MAP7D2: variants seen among roughly 807,000 people sequenced by gnomAD.
MAP7D2 encodes MAP7 domain containing 2, also known as MAP7 domain-containing protein 2.
A neutral mutation model predicts 63.5 loss-of-function variants in MAP7D2; 33 were observed. The observed-to-expected ratio is 0.52, with a 90% CI of 0.39 to 0.70. The LOEUF (loss-of-function observed/expected upper bound fraction) is 0.70, where lower values mean the gene tolerates loss of function less well. MAP7D2 is among the 30% of genes least tolerant of loss of function. The probability of loss-of-function intolerance (pLI) is 0.00; values close to 1 mark genes in which losing one functional copy is unlikely to be tolerated. For missense variants in MAP7D2, 626 were observed against 604.0 expected (o/e 1.04, Z -0.38); for synonymous variants, 224 against 223.7 (o/e 1.00, Z -0.01).
chrX:20,075,442 G>A lies in MAP7D2; in HGVS notation c.131-10637C>T, dbSNP rs771164705. ...GAAAAATATGCTGCATGGGGGTGGG[G>A]GATGGGGGGAATAAAAGAGAGAAGG... On this transcript the variant is annotated intron_variant, in intron 1 of 16. Transcript: ENST00000379643. 1.4e-4 allele frequency among the ~76,000 whole-genome samples: 15 copies of A among 110,119 alleles called. No homozygotes were observed. The South Asian group carries it at 5.9e-3, about 44-fold the overall frequency.
intron 1 of MAP7D2, among the ~76,000 whole-genome samples, chrX:20,074,897 C>T (rs778714249): frequency 1.8e-5 from 2 of 110,298 alleles, no homozygotes; most frequent in South Asian, 3.9e-4. Flanking sequence ...CAAAAAAATA[C>T]AAAAAATTAG....
chrX:20,077,442 GA>G (rs980520848), intron 1 of MAP7D2, among the ~76,000 whole-genome samples: 4 of 111,516 alleles, frequency 3.6e-5, no homozygotes, highest in African/African-American at 1.3e-4. Context: ...ATCAGAATAA[GA>G]CTCTGTCTAA....
intron 8 of MAP7D2, among the ~76,000 whole-genome samples, chrX:20,036,002 C>T (rs2074220240): frequency 9.1e-6 from 1 of 109,970 alleles, no homozygotes; most frequent in Admixed American, 9.8e-5. Flanking sequence ...ACATTTTCGA[C>T]TTCACATTAT....
intron 8 of MAP7D2, among the ~76,000 whole-genome samples, chrX:20,037,444 T>C (rs1403986284): frequency 9.0e-6 from 1 of 111,631 alleles, no homozygotes; most frequent in Non-Finnish European, 1.9e-5. Context: ...CGGTTCCCTA[T>C]GATCAGTTGA....
intron 1 of MAP7D2, among the ~76,000 whole-genome samples, chrX:20,090,376 A>G (rs1237274408): frequency 2.8e-5 from 3 of 109,017 alleles, no homozygotes; most frequent in African/African-American, 1.0e-4. Context: ...AAAAAAAAAA[A>G]AAAAAAAAAA....
intron 3 of MAP7D2, among the ~76,000 whole-genome samples, chrX:20,060,309 C>T (rs1258302610): frequency 9.1e-6 from 1 of 110,032 alleles, no homozygotes; most frequent in Non-Finnish European, 1.9e-5. Context: ...CATAAGCCAC[C>T]ATGCCCGGCC....
chrX:20,111,190 C>T lies in MAP7D2; in HGVS notation c.130+5560G>A, dbSNP rs1017845493. On this transcript the variant is annotated intron_variant, in intron 1 of 16. Transcript: ENST00000379643. ...CCAGCATGAGGGACTCCAGGTGACCCCAAATGGAGCAGCAGAACTTCTCCA... is the reference window on the plus strand; with the variant it reads ...CCAGCATGAGGGACTCCAGGTGACCTCAAATGGAGCAGCAGAACTTCTCCA... Among the ~76,000 whole-genome samples the T allele has an allele frequency of 2.7e-5, 3 of 111,464 alleles. No individual in the cohort carries two copies. The Admixed American group carries it at 2.9e-4, about 11-fold the overall frequency.
At chrX:20,096,139 A>G (rs748620986) in intron 1 of MAP7D2, among the ~76,000 whole-genome samples, 1 of 106,474 alleles carries the variant, frequency 9.4e-6, no homozygotes, top group African/African-American at 3.4e-5. Context: ...AAAAGAAAAG[A>G]AATTCTGGCT....
In MAP7D2 at chrX:20,035,887, T is replaced by C. The variant is rs369637504; in HGVS notation, c.1007+6615A>G. Among the ~76,000 whole-genome samples, 98 of 108,534 alleles carry C rather than the reference T, an allele frequency of 9.0e-4. 1 individual carries two copies. The East Asian group carries it at 0.028, about 31-fold the overall frequency. The allele number at this position is 108,534 out of a possible 115,157, so 94.2% of individuals were successfully genotyped here. A position where few individuals can be genotyped will look rare whatever the true frequency, so the allele number is the denominator to read the frequency against. The stretch of plus-strand genomic sequence containing the variant: ...GAGATTGCACCGTTGCACTCCAGCC[T>C]GGGCGACAGAGCAAGACTCCGTCTC... On this transcript the variant is annotated intron_variant, in intron 8 of 16. Transcript: ENST00000379643.
At chrX:20,097,059 C>A (rs2066289508) in intron 1 of MAP7D2, among the ~76,000 whole-genome samples, 1 of 111,558 alleles carries the variant, frequency 9.0e-6, no homozygotes, top group African/African-American at 3.3e-5. Context: ...TATAAGGCAA[C>A]CCCCTAGACC....
Position 20,016,190 on chromosome X carries a change from C to T in MAP7D2, c.1548G>A (p.Lys516=). The T allele has an allele frequency of 6.7e-6, 8 of 1,194,797 alleles. No individual in the cohort carries two copies. In the South Asian group the frequency reaches 1.5e-4, roughly 22 times the overall value. ...CCTTCCGCTTGGCCTCCTCGCCTGC[C>T]TTTCTTTTCTCTTCCCCTTCCTGTT... is the stretch of plus-strand genomic sequence containing the variant. ...KKKQEGEEKR[K]AGEEAKRKAE... The change falls in exon 11 of 17, where the codon AAG becomes AAA. Residue 516 remains lysine, a synonymous_variant. Coordinates refer to ENST00000379643, the MANE Select transcript of MAP7D2 (RefSeq NM_001168465.2).
At chrX:20,039,956 G>A (rs1483946950) in intron 8 of MAP7D2, among the ~76,000 whole-genome samples, 2 of 94,130 alleles carry the variant, frequency 2.1e-5, no homozygotes, top group Non-Finnish European at 4.1e-5. Context: ...CCGAGATTGC[G>A]CCACTGCACT....
intron 1 of MAP7D2, among the ~76,000 whole-genome samples, chrX:20,071,988 A>C (rs1443438428): frequency 1.8e-5 from 2 of 109,884 alleles, no homozygotes; most frequent in African/African-American, 6.7e-5. Flanking sequence ...TGTCCTCTAA[A>C]CTCTTGTCTT....
At chrX:20,079,239 C>T (rs2065719082) in intron 1 of MAP7D2, among the ~76,000 whole-genome samples, 2 of 110,994 alleles carry the variant, frequency 1.8e-5, no homozygotes, top group South Asian at 7.6e-4. Flanking sequence ...TCTGCCAGGG[C>T]CAGCATGGGA....
At chrX:20,098,907 A>T (rs923927893) in intron 1 of MAP7D2, among the ~76,000 whole-genome samples, 2 of 112,686 alleles carry the variant, frequency 1.8e-5, no homozygotes, top group African/African-American at 6.4e-5. Context: ...ACACGGCCAC[A>T]GTTTGGTTCA....
intron 1 of MAP7D2, among the ~76,000 whole-genome samples, chrX:20,112,009 C>CG (rs2066757184): frequency 8.9e-6 from 1 of 111,828 alleles, no homozygotes; most frequent in Non-Finnish European, 1.9e-5. Context: ...TGAGTGCAAG[C>CG]GATCTGTGGG....
chrX:20,107,478 T>C (rs2066602036), intron 1 of MAP7D2, among the ~76,000 whole-genome samples: 2 of 110,783 alleles, frequency 1.8e-5, no homozygotes, highest in South Asian at 3.8e-4. Context: ...GGCTAAGGCA[T>C]AAGAACCGTT....
chrX:20,064,618 C>T, intron 2 of MAP7D2, 110 bp downstream of exon 2: 1 of 592,684 alleles, frequency 1.7e-6, no homozygotes, highest in South Asian at 2.6e-5. Context: ...TCATGTTCAT[C>T]TAGCAACTGT....
intron 10 of MAP7D2, among the ~76,000 whole-genome samples, chrX:20,024,398 T>C (rs1163762603): frequency 8.9e-6 from 1 of 111,894 alleles, no homozygotes; most frequent in Non-Finnish European, 1.9e-5. Context: ...TGATGTCTTT[T>C]GTCTTGCTCC....
Sources: allele counts gnomAD v4.1 joint callset (sites outside exome capture counted in the v4.1 genomes callset), GRCh38; gene constraint gnomAD v4.1.1; transcripts MANE v1.5; gene names NCBI Gene and HGNC (gene_info 2026-07-23, HGNC 2026-07-21).